DNMT1: variants seen among roughly 807,000 people sequenced by gnomAD.
DNMT1 encodes DNA (cytosine-5)-methyltransferase 1.
DNMT1 carries 24 observed loss-of-function variants against 205.3 expected under a neutral mutation model. That is an observed-to-expected ratio of 0.12 (90% CI 0.08 to 0.16). The LOEUF (loss-of-function observed/expected upper bound fraction) is 0.16. Among genes scored for constraint, DNMT1 ranks in the 10% least tolerant of loss-of-function variants. The pLI, the probability that DNMT1 is intolerant of heterozygous loss-of-function variation, is 1.00. For missense variants in DNMT1, 1,293 were observed against 2,177.7 expected, an observed-to-expected ratio of 0.59 and a Z score of 8.09; for synonymous variants, 817 against 839.8, an observed-to-expected ratio of 0.97 and a Z score of 0.47.
rs2089497746 is a variant in DNMT1, at chr19:10,137,065, C to A, written c.4489+20G>T. On this transcript the variant is annotated intron_variant, in intron 37 of 40. Transcript: ENST00000359526. The surrounding 1 kb of genome is among the most constrained non-coding windows in gnomAD (Gnocchi z 6.4). ...TTCCTTCCCCTCAGCCCACCGGGAA[C>A]CACAACTTACAGGACCCACCTTCCA... is the stretch of plus-strand genomic sequence containing the variant. The A allele has an allele frequency of 1.9e-6, 3 of 1,609,600 alleles. No homozygotes were observed. The highest frequency in any genetic ancestry group is 2.5e-6 in the Non-Finnish European group (3 of 1,178,596).
intron 6 of DNMT1, among the ~76,000 whole-genome samples, chr19:10,176,583 C>T (rs554642404): frequency 2.0e-5 from 3 of 152,246 alleles, no homozygotes; most frequent in South Asian, 2.1e-4. Flanking sequence ...TTTGGCTGGG[C>T]ACGGTGGCTC....
chr19:10,188,009 G>C (rs1466617900), intron 1 of DNMT1, among the ~76,000 whole-genome samples: 1 of 152,098 alleles, frequency 6.6e-6, no homozygotes, highest in Non-Finnish European at 1.5e-5. Flanking sequence ...TGGTGTGGCA[G>C]CATGCACCTG....
intron 1 of DNMT1, among the ~76,000 whole-genome samples, chr19:10,186,467 T>C (rs933898299): frequency 6.6e-6 from 1 of 152,092 alleles, no homozygotes; most frequent in African/African-American, 2.4e-5. Context: ...GCCGGCTTAG[T>C]GCCCAGCCTG....
At chr19:10,183,201 C>T (rs1247264240) in intron 1 of DNMT1, among the ~76,000 whole-genome samples, 2 of 150,446 alleles carry the variant, frequency 1.3e-5, no homozygotes, top group Non-Finnish European at 1.5e-5. Context: ...GCTCAACCTC[C>T]GACTCCCAGG....
rs1599362171 is a variant in DNMT1 at position 10,151,744 on chromosome 19, A to C, written c.2117+6T>G. ...TGCCACAGGAGGAAGACTCGGCCTG[A>C]CCTACCTCCGCTCTTGGCAAGCCTG... On this transcript the variant is annotated splice_donor_region_variant and intron_variant, in intron 23 of 40. Transcript: ENST00000359526. This position sits in a 1 kb window ranked among gnomAD's most constrained non-coding sequence, Gnocchi z 5.0. 6.2e-7 allele frequency: 1 copy of C among 1,614,060 alleles called. No homozygotes were observed. The highest frequency in any genetic ancestry group is 8.5e-7 in the Non-Finnish European group (1 of 1,179,990).
In DNMT1 at chr19:10,149,546, G is replaced by A; in HGVS notation, c.2493C>T (p.Phe831=). The change falls in exon 26 of 41, where the codon TTC becomes TTT. Residue 831 remains phenylalanine, a synonymous_variant. Coordinates refer to ENST00000359526, the MANE Select transcript of DNMT1 (RefSeq NM_001130823.3). ...GCATGTCCTCACATTCATCCACCAA[G>A]AACAGCTCCAGAGGGTCCGACGTGG... ...LGATSDPLEL[F]LVDECEDMQL... 6.2e-7 allele frequency: 1 copy of A among 1,614,010 alleles called. No individual in the cohort carries two copies.
chr19:10,137,145 C>T lies in DNMT1; in HGVS notation c.4429G>A (p.Asp1477Asn). 6.8e-6 allele frequency: 11 copies of T among 1,610,794 alleles called. No individual in the cohort carries two copies. The highest frequency in any genetic ancestry group is 9.3e-6 in the Non-Finnish European group (11 of 1,179,122). Residue 1477 changes from aspartate (D) to asparagine (N), a missense_variant, in exon 37 of 41, where the codon GAC becomes AAC. This residue lies in a region of DNMT1 where 148 missense variants were observed against 256.1 expected (regional missense o/e 0.58). Transcript: ENST00000359526. The surrounding 1 kb of genome is among the most constrained non-coding windows in gnomAD (Gnocchi z 6.4). ...GAGCTGCTGCGGCCGTTCTTCCTGTCATGGTGGGTATACCGCAGCTTCCTG... is the reference window on the plus strand; with the variant it reads ...GAGCTGCTGCGGCCGTTCTTCCTGTTATGGTGGGTATACCGCAGCTTCCTG... Reference protein sequence around the residue: ...MARKLRYTHHDRKNGRSSSGA... With the variant: ...MARKLRYTHHNRKNGRSSSGA...
Position 10,159,978 on chromosome 19 carries a change from G to T in DNMT1, c.1089+40C>A. ...TCAGAGAGCAGCTCCCAGCCGCCTC[G>T]TGAGCGCCGCCACCGGCTTTATTCC... is the stretch of plus-strand genomic sequence containing the variant. On this transcript the variant is annotated intron_variant, in intron 15 of 40. Coordinates refer to ENST00000359526, the MANE Select transcript of DNMT1 (RefSeq NM_001130823.3). This position sits in a 1 kb window ranked among gnomAD's most constrained non-coding sequence, Gnocchi z 5.0. 1 of 1,614,240 alleles carries T rather than the reference G, an allele frequency of 6.2e-7. No individual in the cohort carries two copies. Among genetic ancestry groups the T allele is most frequent in the East Asian group, 2.2e-5 (1 of 44,892 alleles).
Position 10,151,278 on chromosome 19 carries a change from A to C in DNMT1, c.2265+120T>G. ...AGTCCCGCTCTTCTCAGGGGCAAAC[A>C]GACAGGTTTCTTAGTGCCGGGGCTC... On this transcript the variant is annotated intron_variant, in intron 24 of 40. Coordinates refer to ENST00000359526, the MANE Select transcript of DNMT1 (RefSeq NM_001130823.3). This position sits in a 1 kb window ranked among gnomAD's most constrained non-coding sequence, Gnocchi z 5.0. 4.8e-6 allele frequency: 7 copies of C among 1,452,310 alleles called. No individual in the cohort carries two copies. The highest frequency in any genetic ancestry group is 5.7e-6 in the Non-Finnish European group (6 of 1,049,566). 90.0% of individuals were successfully genotyped at this position (1,452,310 alleles called of 1,614,324 possible). A position where few individuals can be genotyped will look rare whatever the true frequency, so the allele number is the denominator to read the frequency against.
At chr19:10,139,218 C>T (rs186675841) in intron 34 of DNMT1, among the ~76,000 whole-genome samples, 32 of 152,330 alleles carry the variant, frequency 2.1e-4, no homozygotes, top group South Asian at 1.0e-3. Flanking sequence ...GGAGTGCAAC[C>T]CTCGGCCATC....
Position 10,156,092 on chromosome 19 carries a change from G to T in DNMT1, c.1400-147C>A. ...ATGACTTGGCCTACAGCTGCTCCTG[G>T]CACAAAGTCTCACACCCTAACTTTA... On this transcript the variant is annotated intron_variant, in intron 18 of 40. Coordinates refer to ENST00000359526, the MANE Select transcript of DNMT1 (RefSeq NM_001130823.3). The surrounding 1 kb of genome is among the most constrained non-coding windows in gnomAD (Gnocchi z 4.2). The T allele has an allele frequency of 6.3e-6, 5 of 790,978 alleles. No individual in the cohort carries two copies. The South Asian group carries it at 7.6e-5, about 12-fold the overall frequency. The allele number at this position is 790,978 out of a possible 1,614,324, so 49.0% of individuals were successfully genotyped here.
At chr19:10,173,827 C>T (rs1568249004) in intron 8 of DNMT1, 44 bp downstream of exon 8, 6 of 1,609,212 alleles carry the variant, frequency 3.7e-6, no homozygotes, top group Non-Finnish European at 4.3e-6. Context: ...ATCAAGATTA[C>T]ACAACTCGTA....
In DNMT1 at chr19:10,151,363, T is replaced by C. The variant is rs747865285; in HGVS notation, c.2265+35A>G. Reference sequence around the variant, plus strand: ...GAGGGCAACCTGCTTATTGGGAACATGGCAGTGAGCTGACCAAGGGGCTCC... The same window carrying C: ...GAGGGCAACCTGCTTATTGGGAACACGGCAGTGAGCTGACCAAGGGGCTCC... On this transcript the variant is annotated intron_variant, in intron 24 of 40. Coordinates refer to ENST00000359526, the MANE Select transcript of DNMT1 (RefSeq NM_001130823.3). This position sits in a 1 kb window ranked among gnomAD's most constrained non-coding sequence, Gnocchi z 5.0. 3 of 1,608,686 alleles carry C rather than the reference T, an allele frequency of 1.9e-6. No homozygotes were observed. In the African/African-American group the frequency reaches 4.0e-5, roughly 21 times the overall value.
intron 1 of DNMT1, among the ~76,000 whole-genome samples, chr19:10,193,823 G>A (rs1158757261): frequency 6.6e-6 from 1 of 151,892 alleles, no homozygotes; most frequent in Non-Finnish European, 1.5e-5. Context: ...AAATCCAGCT[G>A]GAAGTGTCCA....
Position 10,165,259 on chromosome 19 carries a change from A to T in DNMT1, c.891+1339T>A, listed in dbSNP as rs149798404. On this transcript the variant is annotated intron_variant, in intron 11 of 40. Coordinates refer to ENST00000359526, the MANE Select transcript of DNMT1 (RefSeq NM_001130823.3). ...GCATTCCAGCCTGGGTGACAAAGCA[A>T]GACCCTGTCTCTTGGGATGGGGGAC... Among the ~76,000 whole-genome samples, 967 of 152,298 alleles carry T rather than the reference A, an allele frequency of 6.3e-3. 9 individuals carry two copies. The highest frequency in any genetic ancestry group is 0.022 in the African/African-American group (918 of 41,564).
intron 22 of DNMT1, among the ~76,000 whole-genome samples, chr19:10,152,931 C>G (rs1008636594): frequency 8.9e-5 from 12 of 135,446 alleles, no homozygotes; most frequent in African/African-American, 3.4e-4. Flanking sequence ...AGGACCCTGT[C>G]TCTACAAAAA....
intron 22 of DNMT1, among the ~76,000 whole-genome samples, chr19:10,153,503 G>T (rs533478142): frequency 1.6e-4 from 25 of 152,140 alleles, no homozygotes; most frequent in African/African-American, 5.5e-4. Flanking sequence ...CGGGTATGGT[G>T]GCGGGTGCCT....
intron 9 of DNMT1, among the ~76,000 whole-genome samples, chr19:10,169,867 T>C (rs1024448817): frequency 6.6e-6 from 1 of 152,220 alleles, no homozygotes; most frequent in African/African-American, 2.4e-5. Context: ...CCAGGTTCCT[T>C]CTTTGGAAGG....
chr19:10,154,245 G>A lies in DNMT1; in HGVS notation c.2019+48C>T. 1 of 1,596,518 alleles carries A rather than the reference G, an allele frequency of 6.3e-7. No homozygotes were observed. Among genetic ancestry groups the A allele is most frequent in the Non-Finnish European group, 8.6e-7 (1 of 1,164,492 alleles). ...ATGGAGCAGTCCTCAGATCAGGCCA[G>A]AGGCTGGGCCACCTTAGGGGAGCGG... On this transcript the variant is annotated intron_variant, in intron 22 of 40. Coordinates refer to ENST00000359526, the MANE Select transcript of DNMT1 (RefSeq NM_001130823.3). This position sits in a 1 kb window ranked among gnomAD's most constrained non-coding sequence, Gnocchi z 6.3.
Sources: allele counts gnomAD v4.1 joint callset (sites outside exome capture counted in the v4.1 genomes callset), GRCh38; gene constraint gnomAD v4.1.1; regional missense constraint gnomAD v4.1.1; non-coding constraint Gnocchi (gnomAD v3.1); transcripts MANE v1.5; gene names NCBI Gene and HGNC (gene_info 2026-07-23, HGNC 2026-07-21).